The following ITSN1 variants were observed in gnomAD, a reference collection of about 807,000 sequenced individuals.
The protein encoded by ITSN1 is intersectin-1.
A neutral mutation model predicts 239.8 loss-of-function variants in ITSN1; 58 were observed. The observed-to-expected ratio is 0.24, with a 90% confidence interval of 0.20 to 0.30. The LOEUF is 0.30. ITSN1 is among the 10% of genes least tolerant of loss of function. The probability of loss-of-function intolerance (pLI) is 1.00; values close to 1 mark genes in which losing one functional copy is unlikely to be tolerated. For synonymous variants in ITSN1, 780 were observed against 770.8 expected (o/e 1.01, Z -0.20); for missense variants, 1,558 against 2,103.3 (o/e 0.74, Z 5.07).
chr21:33,836,538 C>T lies in ITSN1; in HGVS notation c.3567C>T (p.Asp1189=). The T allele has an allele frequency of 6.2e-7, 1 of 1,614,044 alleles. No homozygotes were observed. The highest frequency in any genetic ancestry group is 2.2e-5 in the East Asian group (1 of 44,864). ...GQIINVLNKE[D]PDWWKGEVNG... is the part of the protein sequence containing the mutation. ...TCATCAACGTCCTCAACAAGGAGGA[C>T]CCTGACTGGTGGAAAGGAGAAGTCA... Residue 1189 remains aspartate, a synonymous_variant, in exon 29 of 40, where the codon GAC becomes GAT. Transcript: ENST00000381318.
intron 16 of ITSN1, among the ~76,000 whole-genome samples, chr21:33,782,441 A>G (rs1223044098): frequency 6.6e-6 from 1 of 152,230 alleles, no homozygotes; most frequent in East Asian, 1.9e-4. Flanking sequence ...TTCTTTGAAT[A>G]CTACTAAAAG....
chr21:33,776,761 G>T (rs2069661733), intron 14 of ITSN1, among the ~76,000 whole-genome samples: 1 of 150,694 alleles, frequency 6.6e-6, no homozygotes, highest in Non-Finnish European at 1.5e-5. Context: ...TTTTTATTGG[G>T]CTGTTTGTCT....
At chr21:33,716,361 A>G (rs1008751635) in intron 1 of ITSN1, 1 of 152,224 alleles carries the variant, frequency 6.6e-6, no homozygotes, top group African/African-American at 2.4e-5. Flanking sequence ...TTGAAAGTCA[A>G]GTGAGCCTGT....
intron 25 of ITSN1, among the ~76,000 whole-genome samples, chr21:33,824,976 A>G (rs932415139): frequency 3.3e-5 from 5 of 152,228 alleles, no homozygotes; most frequent in African/African-American, 1.2e-4. Flanking sequence ...CCAGGCCAGC[A>G]AGTCGAGTCC....
intron 1 of ITSN1, among the ~76,000 whole-genome samples, chr21:33,708,353 T>G (rs538999419): frequency 1.3e-5 from 2 of 152,292 alleles, no homozygotes; most frequent in East Asian, 1.9e-4. Context: ...TTTTTTGTTT[T>G]TTTTATTACT....
chr21:33,888,229 C>A lies in ITSN1; in HGVS notation c.5095C>A (p.Leu1699Ile). The change falls in exon 40 of 40, where the codon CTT (leucine) becomes ATT (isoleucine). Residue 1699 changes from leucine to isoleucine, a missense_variant. Transcript: ENST00000381318. ...CTCCAAAGGTCCAGTTACGAAGTGTCTTCTGCTGCACGAAGTCCCCACGGG... is the reference window on the plus strand; with the variant it reads ...CTCCAAAGGTCCAGTTACGAAGTGTATTCTGCTGCACGAAGTCCCCACGGG... ...QGSKGPVTKCLLLHEVPTGEI... is the reference protein window; with the variant it reads ...QGSKGPVTKCILLHEVPTGEI... 6.2e-7 allele frequency: 1 copy of A among 1,614,130 alleles called. No homozygotes were observed. Among genetic ancestry groups the A allele is most frequent in the Non-Finnish European group, 8.5e-7 (1 of 1,180,028 alleles).
intron 1 of ITSN1, among the ~76,000 whole-genome samples, chr21:33,648,517 C>T (rs965794593): frequency 2.6e-5 from 4 of 152,238 alleles, no homozygotes; most frequent in Middle Eastern, 3.4e-3. Context: ...ATTTGAATCC[C>T]TTTCACTGAA....
intron 1 of ITSN1, among the ~76,000 whole-genome samples, chr21:33,646,454 T>C (rs1042759359): frequency 6.6e-6 from 1 of 152,218 alleles, no homozygotes; most frequent in African/African-American, 2.4e-5. Flanking sequence ...AAAATTGTTA[T>C]GTTTTCCAAT....
At chr21:33,851,464 C>CAAT (rs1978313863) in intron 29 of ITSN1, among the ~76,000 whole-genome samples, 1 of 149,386 alleles carries the variant, frequency 6.7e-6, no homozygotes, top group Non-Finnish European at 1.5e-5. Flanking sequence ...AGTGGTGCGA[C>CAAT]CTCAGCTCAC....
In ITSN1 at chr21:33,856,785, G is replaced by C; in HGVS notation, c.3711G>C (p.Lys1237Asn). 6.2e-7 allele frequency: 1 copy of C among 1,614,144 alleles called. No individual in the cohort carries two copies. The highest frequency in any genetic ancestry group is 8.5e-7 in the Non-Finnish European group (1 of 1,180,020). ...LLDMLTPTER[K>N]RQGYIHELIV... Reference sequence around the variant, plus strand: ...ATATGTTGACCCCAACTGAAAGAAAGCGACAAGGATACATCCACGAGCTCA... The same window carrying C: ...ATATGTTGACCCCAACTGAAAGAAACCGACAAGGATACATCCACGAGCTCA... The change falls in exon 30 of 40, where the codon AAG becomes AAC. Residue 1237 changes from lysine to asparagine, a missense_variant. By Grantham distance (94) the Lys-to-Asn change is moderately conservative (BLOSUM62 0). Around this residue, in one of 2 missense-constraint regions of ITSN1, gnomAD observed 576 missense variants for 893.3 expected, o/e 0.64. Coordinates refer to ENST00000381318, the MANE Select transcript of ITSN1 (RefSeq NM_003024.3).
intron 14 of ITSN1, among the ~76,000 whole-genome samples, chr21:33,777,152 G>C (rs1233569736): frequency 6.6e-6 from 1 of 152,132 alleles, no homozygotes; most frequent in Non-Finnish European, 1.5e-5. Flanking sequence ...TTTGCAGATA[G>C]TATAAGGTAA....
At chr21:33,674,744 CTT>C (rs535233393) in intron 1 of ITSN1, among the ~76,000 whole-genome samples, 1 of 151,828 alleles carries the variant, frequency 6.6e-6, no homozygotes, top group Non-Finnish European at 1.5e-5. Context: ...TTTATTTTAC[CTT>C]TTTTATTATA....
At chr21:33,666,247 T>C (rs910498477) in intron 1 of ITSN1, among the ~76,000 whole-genome samples, 5 of 152,182 alleles carry the variant, frequency 3.3e-5, no homozygotes, top group Non-Finnish European at 7.3e-5. Flanking sequence ...GTTCCATTTA[T>C]ATGAAATACC....
chr21:33,748,403 C>T lies in ITSN1; in HGVS notation c.347-1740C>T, dbSNP rs150051961. 1.8e-3 allele frequency among the ~76,000 whole-genome samples: 276 copies of T among 152,114 alleles called. 1 individual carries two copies. The highest frequency in any genetic ancestry group is 6.5e-3 in the African/African-American group (270 of 41,500). Reference sequence around the variant, plus strand: ...GTTCAAGGTTACAGTGAGCTGTGATCACGTGACTGTACTTCAGCCTGGGTG... The same window carrying T: ...GTTCAAGGTTACAGTGAGCTGTGATTACGTGACTGTACTTCAGCCTGGGTG... On this transcript the variant is annotated intron_variant, in intron 5 of 39. Coordinates refer to ENST00000381318, the MANE Select transcript of ITSN1 (RefSeq NM_003024.3).
intron 29 of ITSN1, among the ~76,000 whole-genome samples, chr21:33,851,872 T>G (rs1308380441): frequency 6.9e-6 from 1 of 145,446 alleles, no homozygotes; most frequent in Non-Finnish European, 1.5e-5. Flanking sequence ...CAGCCTCTAT[T>G]TCCTGGGCTC....
intron 4 of ITSN1, among the ~76,000 whole-genome samples, chr21:33,731,798 G>A (rs1277110818): frequency 6.6e-6 from 1 of 152,174 alleles, no homozygotes; most frequent in Non-Finnish European, 1.5e-5. Flanking sequence ...ACTTAAATAT[G>A]TGAGACTACT....
chr21:33,688,596 A>G (rs2091360404), intron 1 of ITSN1, among the ~76,000 whole-genome samples: 1 of 152,212 alleles, frequency 6.6e-6, no homozygotes, highest in Non-Finnish European at 1.5e-5. Context: ...TGAGAAACAG[A>G]CAATGAACAT....
chr21:33,672,796 C>T (rs2090373520), intron 1 of ITSN1, among the ~76,000 whole-genome samples: 1 of 152,042 alleles, frequency 6.6e-6, no homozygotes, highest in South Asian at 2.1e-4. Flanking sequence ...ACTGCAACCT[C>T]CGCCTCCCGG....
intron 1 of ITSN1, among the ~76,000 whole-genome samples, chr21:33,676,140 T>G (rs927403320): frequency 1.1e-4 from 17 of 151,532 alleles, no homozygotes; most frequent in African/African-American, 3.9e-4. Flanking sequence ...GTTCAAGCGA[T>G]TCCTGCTAAT....
Sources: allele counts gnomAD v4.1 joint callset (sites outside exome capture counted in the v4.1 genomes callset), GRCh38; gene constraint gnomAD v4.1.1; regional missense constraint gnomAD v4.1.1; transcripts MANE v1.5; gene names NCBI Gene and HGNC (gene_info 2026-07-23, HGNC 2026-07-21).